Variants in F13A1 observed in about 807,000 individuals in gnomAD.
F13A1 encodes the protein coagulation factor XIII A chain, also known as FSF, A subunit.
F13A1 carries 47 observed loss-of-function variants against 80.1 expected under a neutral mutation model. The observed-to-expected ratio is 0.59, with a 90% CI of 0.46 to 0.75. The LOEUF (loss-of-function observed/expected upper bound fraction) is 0.75. Ranked by LOEUF, F13A1 falls within the 30% of genes least tolerant of loss-of-function variation. The pLI is 0.00. For missense variants in F13A1, 817 were observed against 930.4 expected, an observed-to-expected ratio of 0.88 and a Z score of 1.59; for synonymous variants, 349 against 344.9, an observed-to-expected ratio of 1.01 and a Z score of -0.13.
chr6:6,195,999 T>C, intron 9 of F13A1, 114 bp from the exon 10 acceptor site: 1 of 992,400 alleles, frequency 1.0e-6, no homozygotes, highest in Non-Finnish European at 1.6e-6. Flanking sequence ...CCCAACTTCA[T>C]TGCTGATTTA....
At chr6:6,198,951 G>A (rs753996385) in intron 8 of F13A1, among the ~76,000 whole-genome samples, 5 of 152,194 alleles carry the variant, frequency 3.3e-5, no homozygotes, top group Non-Finnish European at 7.3e-5. Flanking sequence ...AATTTAGGAG[G>A]TCAAGAAAAG....
Position 6,169,487 on chromosome 6 carries a change from G to T in F13A1, c.1748-1869C>A, listed in dbSNP as rs918776510. 11 of 154,236 alleles carry T rather than the reference G, an allele frequency of 7.1e-5. No homozygotes were observed. The Admixed American group carries it at 7.2e-4, about 10-fold the overall frequency. The allele number at this position is 154,236 out of a possible 1,614,324, so 9.6% of individuals were successfully genotyped here. A position where few individuals can be genotyped will look rare whatever the true frequency, so the allele number is the denominator to read the frequency against. ...AGCAGAAGGGGTAAGTTAGGGCAGA[G>T]TTAGGGTGGACTGAGAACTACCTGG... is the stretch of plus-strand genomic sequence containing the variant. On this transcript the variant is annotated intron_variant, in intron 12 of 14. Transcript: ENST00000264870.
chr6:6,181,148 C>T (rs1760976333), intron 11 of F13A1, among the ~76,000 whole-genome samples: 1 of 152,194 alleles, frequency 6.6e-6, no homozygotes, highest in Non-Finnish European at 1.5e-5. Flanking sequence ...TAACTTTGGT[C>T]ATGTTCACAC....
At chr6:6,172,578 T>C (rs576370762) in intron 12 of F13A1, among the ~76,000 whole-genome samples, 104 of 152,030 alleles carry the variant, frequency 6.8e-4, no homozygotes, top group African/African-American at 2.3e-3. Flanking sequence ...CCCAAGTAGC[T>C]GGGATTACAG....
intron 13 of F13A1, among the ~76,000 whole-genome samples, chr6:6,161,551 T>TGTGTGTGTGTGTGAGA (rs1010361754): frequency 2.4e-4 from 35 of 146,374 alleles, no homozygotes; most frequent in African/African-American, 8.1e-4. Flanking sequence ...TGTGTGTGTG[T>TGTGTGTGTGTGTGAGA]GAGAGAGAGA....
intron 8 of F13A1, among the ~76,000 whole-genome samples, chr6:6,200,402 ATTAAAG>A (rs1320072022): frequency 1.3e-5 from 2 of 152,032 alleles, no homozygotes; most frequent in African/African-American, 4.8e-5. Context: ...CCCTGTCTCT[ATTAAAG>A]TTAAAGAAGT....
intron 8 of F13A1, among the ~76,000 whole-genome samples, chr6:6,202,860 G>T (rs183948465): frequency 5.9e-4 from 90 of 152,312 alleles, no homozygotes; most frequent in Non-Finnish European, 9.7e-4. Context: ...TGGTACAAAG[G>T]ACTCAGAGAA....
intron 3 of F13A1, among the ~76,000 whole-genome samples, chr6:6,271,083 G>A (rs992772293): frequency 2.0e-4 from 31 of 152,174 alleles, no homozygotes; most frequent in Non-Finnish European, 4.4e-5. Context: ...GACAGGGAGT[G>A]GTGAGATTAA....
rs5874027 is a variant in F13A1, at chr6:6,313,280, C to CTTT, written c.130+5252_130+5254dup. Reference sequence around the variant, plus strand: ...ATGGAACAGCTCATTGCTAAGCCGCCTTTTTTTTTTTTTTTTTTTTAAATA... The same window carrying CTTT: ...ATGGAACAGCTCATTGCTAAGCCGCCTTTTTTTTTTTTTTTTTTTTTTTAAATA... On this transcript the variant is annotated intron_variant, in intron 2 of 14. Coordinates refer to ENST00000264870, the MANE Select transcript of F13A1 (RefSeq NM_000129.4). 5.2e-3 allele frequency among the ~76,000 whole-genome samples: 658 copies of CTTT among 126,730 alleles called. 11 individuals are homozygous for CTTT. Among genetic ancestry groups the CTTT allele is most frequent in the African/African-American group, 0.018 (587 of 32,938 alleles). 83.1% of individuals were successfully genotyped at this position (126,730 alleles called of 152,430 possible). A position where few individuals can be genotyped will look rare whatever the true frequency, so the allele number is the denominator to read the frequency against.
intron 8 of F13A1, among the ~76,000 whole-genome samples, chr6:6,200,850 C>A (rs1319210427): frequency 6.6e-6 from 1 of 152,072 alleles, no homozygotes; most frequent in African/African-American, 2.4e-5. Flanking sequence ...GTGGAGGTCT[C>A]TGAGCAGGAA....
chr6:6,221,430 G>A (rs938261415), intron 8 of F13A1, among the ~76,000 whole-genome samples: 1 of 152,100 alleles, frequency 6.6e-6, no homozygotes, highest in Non-Finnish European at 1.5e-5. Context: ...CTTTACATTC[G>A]AAAAGAAAAC....
chr6:6,159,663 C>T (rs1039067411), intron 13 of F13A1, among the ~76,000 whole-genome samples: 15 of 152,106 alleles, frequency 9.9e-5, no homozygotes, highest in African/African-American at 3.4e-4. Flanking sequence ...GGAGGGAAGC[C>T]GCCCAGAGGA....
intron 4 of F13A1, among the ~76,000 whole-genome samples, chr6:6,252,870 A>G (rs1757652017): frequency 1.3e-5 from 2 of 152,088 alleles, no homozygotes; most frequent in South Asian, 4.1e-4. Context: ...GTGAAAGAAA[A>G]CAGCCAGGCA....
At chr6:6,186,291 C>T (rs1761079020) in intron 10 of F13A1, among the ~76,000 whole-genome samples, 1 of 151,842 alleles carries the variant, frequency 6.6e-6, no homozygotes. Context: ...ACATGAAGTC[C>T]TTGCCCATGC....
intron 14 of F13A1, among the ~76,000 whole-genome samples, chr6:6,151,293 C>T (rs1342707881): frequency 1.3e-5 from 2 of 152,072 alleles, no homozygotes; most frequent in African/African-American, 4.8e-5. Context: ...AACCTGAATC[C>T]AACAGTTGTA....
At chr6:6,251,375 C>G (rs892825506) in intron 4 of F13A1, among the ~76,000 whole-genome samples, 3 of 147,384 alleles carry the variant, frequency 2.0e-5, no homozygotes, top group Non-Finnish European at 4.4e-5. Context: ...CGTGAGAAGG[C>G]CCACGTGTCA....
intron 8 of F13A1, among the ~76,000 whole-genome samples, chr6:6,217,693 A>C (rs757843400): frequency 6.6e-6 from 1 of 152,004 alleles, no homozygotes; most frequent in Non-Finnish European, 1.5e-5. Flanking sequence ...AAAATAAATA[A>C]AAATAAAAAT....
At chr6:6,171,582 C>A (rs921824305) in intron 12 of F13A1, among the ~76,000 whole-genome samples, 2 of 152,192 alleles carry the variant, frequency 1.3e-5, no homozygotes, top group African/African-American at 4.8e-5. Flanking sequence ...AGCATCCTAC[C>A]AGTCTCTAAC....
chr6:6,225,112 A>G (rs1342349559), intron 6 of F13A1, among the ~76,000 whole-genome samples: 1 of 152,262 alleles, frequency 6.6e-6, no homozygotes, highest in Non-Finnish European at 1.5e-5. Context: ...GTTGAACGGC[A>G]GATAGGAGGA....
Sources: gnomAD v4.1 joint callset for allele counts (sites outside exome capture counted in the v4.1 genomes callset) on GRCh38, gnomAD v4.1.1 for gene constraint, MANE v1.5 for transcripts, NCBI Gene and HGNC (gene_info 2026-07-23, HGNC 2026-07-21) for gene names.